The following CHKA variants were observed in gnomAD, a reference collection of about 807,000 sequenced individuals.
CHKA encodes the protein choline kinase alpha, also known as CHETK-alpha.
A neutral mutation model predicts 60.1 loss-of-function variants in CHKA; 34 were observed. The ratio of observed to expected loss-of-function variants is 0.57; its 90% CI spans 0.43 to 0.75. CHKA has a LOEUF of 0.75. Among genes scored for constraint, CHKA ranks in the 30% least tolerant of loss-of-function variants. CHKA has a pLI of 0.00. For missense variants in CHKA, 563 were observed against 561.3 expected, an observed-to-expected ratio of 1.00 and a Z score of -0.03; for synonymous variants, 217 against 223.1, an observed-to-expected ratio of 0.97 and a Z score of 0.24.
intron 1 of CHKA, among the ~76,000 whole-genome samples, chr11:68,101,401 T>C (rs1335536532): frequency 2.6e-5 from 4 of 152,166 alleles, no homozygotes; most frequent in East Asian, 1.9e-4. Flanking sequence ...AACATGATCT[T>C]ACATATAGAA....
intron 10 of CHKA, among the ~76,000 whole-genome samples, chr11:68,063,890 T>C (rs974190107): frequency 1.3e-5 from 2 of 152,226 alleles, no homozygotes; most frequent in African/African-American, 2.4e-5. Flanking sequence ...GATTGTTAAG[T>C]TTCCTGAGGC....
chr11:68,104,298 G>A (rs969645297), intron 1 of CHKA, among the ~76,000 whole-genome samples: 1 of 152,186 alleles, frequency 6.6e-6, no homozygotes. Context: ...TCTCATAGAA[G>A]TTGAGAATAG....
At chr11:68,106,936 A>G (rs1171240266) in intron 1 of CHKA, among the ~76,000 whole-genome samples, 1 of 152,246 alleles carries the variant, frequency 6.6e-6, no homozygotes, top group Non-Finnish European at 1.5e-5. Flanking sequence ...TGCCAGCTGT[A>G]CTACCACCAA....
At chr11:68,113,820 C>T (rs1237826168) in intron 1 of CHKA, among the ~76,000 whole-genome samples, 1 of 151,990 alleles carries the variant, frequency 6.6e-6, no homozygotes, top group Non-Finnish European at 1.5e-5. Flanking sequence ...CATGGTGAAA[C>T]CCCATCTCTA....
At chr11:68,094,743 C>T (rs1234487851) in intron 2 of CHKA, among the ~76,000 whole-genome samples, 1 of 152,200 alleles carries the variant, frequency 6.6e-6, no homozygotes, top group African/African-American at 2.4e-5. Flanking sequence ...CAGCTATCTG[C>T]ACCTAATGAC....
chr11:68,096,423 TTAATAA>T (rs959153120), intron 2 of CHKA, among the ~76,000 whole-genome samples: 2 of 151,680 alleles, frequency 1.3e-5, no homozygotes, highest in Admixed American at 6.6e-5. Context: ...ATTCATGACA[TTAATAA>T]TAATAATAAT....
chr11:68,079,810 C>T (rs969855745), intron 3 of CHKA, among the ~76,000 whole-genome samples: 2 of 152,146 alleles, frequency 1.3e-5, no homozygotes, highest in African/African-American at 4.8e-5. Flanking sequence ...GCATTAGTTC[C>T]AAGTCGAGGT....
intron 1 of CHKA, among the ~76,000 whole-genome samples, chr11:68,110,770 G>T (rs1858102693): frequency 6.6e-6 from 1 of 152,064 alleles, no homozygotes; most frequent in South Asian, 2.1e-4. Flanking sequence ...GGCCAAGGTG[G>T]GCAGATCACT....
chr11:68,080,994 GT>G (rs1242762784), intron 3 of CHKA, among the ~76,000 whole-genome samples: 2 of 152,212 alleles, frequency 1.3e-5, no homozygotes, highest in Non-Finnish European at 2.9e-5. Flanking sequence ...TGGAAAATGG[GT>G]GGCCACCAAA....
intron 6 of CHKA, 69 bp downstream of exon 6, chr11:68,070,120 T>C (rs1208991959): frequency 5.3e-6 from 6 of 1,129,918 alleles, no homozygotes; most frequent in African/African-American, 4.6e-5. Context: ...GCAAGCTCAA[T>C]CAATGTTTAC....
At chr11:68,107,603 C>T (rs1157506320) in intron 1 of CHKA, among the ~76,000 whole-genome samples, 1 of 152,090 alleles carries the variant, frequency 6.6e-6, no homozygotes, top group Non-Finnish European at 1.5e-5. Context: ...TATATCCTCC[C>T]CCAACCCCCA....
chr11:68,109,945 C>T (rs976623112), intron 1 of CHKA, among the ~76,000 whole-genome samples: 3 of 152,088 alleles, frequency 2.0e-5, no homozygotes, highest in Non-Finnish European at 2.9e-5. Context: ...GAGCGAGACT[C>T]TGTCTCAAAA....
chr11:68,097,808 C>T (rs74756106), intron 1 of CHKA, among the ~76,000 whole-genome samples: 3,256 of 152,184 alleles, frequency 0.021, 110 homozygotes, highest in African/African-American at 0.07. Flanking sequence ...CTGGTTACCA[C>T]GGCCTTCAGA....
Position 68,121,048 on chromosome 11 carries a change from C to G in CHKA, c.130G>C (p.Glu44Gln), listed in dbSNP as rs1165155551. ...GQQRDAASDL[E>Q]SKQLGGQQPP... ...TGTTGGCCGCCCAGCTGCTTGGACT[C>G]GAGGTCGCTGGCGGCGTCGCGCTGC... Residue 44 changes from glutamate to glutamine, a missense_variant, in exon 1 of 12, where the codon GAG becomes CAG. Transcript: ENST00000265689. 2.7e-6 allele frequency: 3 copies of G among 1,106,776 alleles called. No homozygotes were observed. The highest frequency in any genetic ancestry group is 3.3e-6 in the Non-Finnish European group (3 of 909,178). The allele number at this position is 1,106,776 out of a possible 1,614,324, so 68.6% of individuals were successfully genotyped here. A position where few individuals can be genotyped will look rare whatever the true frequency, so the allele number is the denominator to read the frequency against.
At chr11:68,116,375 GCCTGGGCACCATGGTAAAA>G (rs1303865946) in intron 1 of CHKA, among the ~76,000 whole-genome samples, 10 of 152,152 alleles carry the variant, frequency 6.6e-5, no homozygotes, top group Non-Finnish European at 1.3e-4. Flanking sequence ...TTCTATACCA[GCCTGGGCACCATGGTAAAA>G]CCCCGTGGCT....
At chr11:68,061,337 C>T (rs1374703991) in intron 11 of CHKA, among the ~76,000 whole-genome samples, 1 of 151,992 alleles carries the variant, frequency 6.6e-6, no homozygotes, top group Non-Finnish European at 1.5e-5. Flanking sequence ...AACTCCTGAC[C>T]TCAGGTGATC....
intron 1 of CHKA, among the ~76,000 whole-genome samples, chr11:68,101,172 T>A (rs1003728234): frequency 1.3e-5 from 2 of 151,854 alleles, no homozygotes; most frequent in Non-Finnish European, 2.9e-5. Flanking sequence ...ATGGTCTCGA[T>A]CTCCTGACCT....
At chr11:68,104,759 T>A (rs1325245372) in intron 1 of CHKA, among the ~76,000 whole-genome samples, 1 of 152,078 alleles carries the variant, frequency 6.6e-6, no homozygotes, top group Non-Finnish European at 1.5e-5. Context: ...ATAAACATTA[T>A]GAATAATGCT....
At chr11:68,072,550 T>TAAAA (rs10708078) in intron 4 of CHKA, among the ~76,000 whole-genome samples, 1 of 112,746 alleles carries the variant, frequency 8.9e-6, no homozygotes, top group Non-Finnish European at 1.8e-5. Context: ...GACCCTATCT[T>TAAAA]AAAAAAAAAA....
Sources: gnomAD v4.1 joint callset for allele counts (sites outside exome capture counted in the v4.1 genomes callset) on GRCh38, gnomAD v4.1.1 for gene constraint, MANE v1.5 for transcripts, NCBI Gene and HGNC (gene_info 2026-07-23, HGNC 2026-07-21) for gene names.